The following ERRFI1 variants were observed in gnomAD, a reference collection of about 807,000 sequenced individuals.
ERRFI1 encodes mitogen-inducible gene 6 protein.
A neutral mutation model predicts 14.6 loss-of-function variants in ERRFI1; 12 were observed. The observed-to-expected ratio is 0.82, with a 90% CI of 0.53 to 1.33. The LOEUF (loss-of-function observed/expected upper bound fraction) is 1.33, where lower values mean the gene tolerates loss of function less well. Among genes scored for constraint, ERRFI1 ranks in the 40% most tolerant of loss-of-function variants. The pLI, the probability that ERRFI1 is intolerant of heterozygous loss-of-function variation, is 0.00. For missense variants in ERRFI1, 482 were observed against 572.1 expected (o/e 0.84, Z 1.61); for synonymous variants, 202 against 209.9 (o/e 0.96, Z 0.32).
intron 1 of ERRFI1, among the ~76,000 whole-genome samples, chr1:8,022,026 C>T (rs17031996): frequency 0.053 from 8,016 of 152,226 alleles, 690 homozygotes; most frequent in African/African-American, 0.18. Context: ...CTTGGGTAAC[C>T]TGTAGCCTAT....
chr1:8,013,929 A>G lies in ERRFI1; in HGVS notation c.670T>C (p.Tyr224His). ...ACACCTCCATTTTGGTCAGACACATAGCTGAGATCTGCTGCAGAAACAGCT... is the reference window on the plus strand; with the variant it reads ...ACACCTCCATTTTGGTCAGACACATGGCTGAGATCTGCTGCAGAAACAGCT... ...TPAVSAADLSYVSDQNGGVPD... is the reference protein window; with the variant it reads ...TPAVSAADLSHVSDQNGGVPD... Residue 224 changes from tyrosine (Y) to histidine (H), a missense_variant, in exon 4 of 4, where the codon TAT (tyrosine) becomes CAT (histidine). Physicochemically the swap from Tyr to His is moderately conservative, Grantham distance 83. Transcript: ENST00000377482. This position sits in a 1 kb window ranked among gnomAD's most constrained non-coding sequence, Gnocchi z 4.3. 1 of 1,614,184 alleles carries G rather than the reference A, an allele frequency of 6.2e-7. No homozygotes were observed. The highest frequency in any genetic ancestry group is 8.5e-7 in the Non-Finnish European group (1 of 1,180,032).
intron 1 of ERRFI1, among the ~76,000 whole-genome samples, chr1:8,015,978 T>C (rs1170413778): frequency 6.6e-6 from 1 of 152,158 alleles, no homozygotes; most frequent in African/African-American, 2.4e-5. Context: ...GCCTGAGAGT[T>C]GCACAACAAA....
intron 1 of ERRFI1, among the ~76,000 whole-genome samples, chr1:8,020,074 T>TAAA (rs539364101): frequency 7.7e-6 from 1 of 129,572 alleles, no homozygotes; most frequent in African/African-American, 2.8e-5. Context: ...TGAAACTGCT[T>TAAA]AAAAAAAAAA....
In ERRFI1 at chr1:8,012,749, T is replaced by C. The variant is rs1641104029; in HGVS notation, c.*461A>G. 8.7e-6 allele frequency: 2 copies of C among 230,930 alleles called. No individual in the cohort carries two copies. Among genetic ancestry groups the C allele is most frequent in the Non-Finnish European group, 8.6e-6 (1 of 116,854 alleles). The allele number at this position is 230,930 out of a possible 1,614,324, so 14.3% of individuals were successfully genotyped here. A position where few individuals can be genotyped will look rare whatever the true frequency, so the allele number is the denominator to read the frequency against. ...AATCTTCAAACTTACTAAACAAAAA[T>C]ATTTTTTAATGATTCTGATCTAAAC... On this transcript the variant is annotated 3_prime_UTR_variant, in exon 4 of 4. Transcript: ENST00000377482.
intron 1 of ERRFI1, among the ~76,000 whole-genome samples, chr1:8,025,334 A>AC (rs1491487362): frequency 4.6e-5 from 7 of 152,368 alleles, no homozygotes; most frequent in Admixed American, 4.6e-4. Context: ...ACATATAAAT[A>AC]CACACACAAA....
At chr1:8,018,994 C>A (rs1641238282) in intron 1 of ERRFI1, among the ~76,000 whole-genome samples, 1 of 152,206 alleles carries the variant, frequency 6.6e-6, no homozygotes, top group South Asian at 2.1e-4. Flanking sequence ...CCATTCCCCA[C>A]TCCCCAAACC....
At chr1:8,014,871 C>G (rs1278873507) in intron 3 of ERRFI1, 1 of 204,868 alleles carries the variant, frequency 4.9e-6, no homozygotes, top group African/African-American at 2.3e-5. Flanking sequence ...ACACACAGCT[C>G]TTGACAAAGA....
At chr1:8,023,220 T>C (rs183187023) in intron 1 of ERRFI1, among the ~76,000 whole-genome samples, 11 of 152,330 alleles carry the variant, frequency 7.2e-5, no homozygotes, top group Admixed American at 7.2e-4. Flanking sequence ...AATCCTTACC[T>C]TCCTATTGTT....
intron 1 of ERRFI1, among the ~76,000 whole-genome samples, chr1:8,020,148 C>T (rs1226841043): frequency 1.3e-5 from 2 of 151,740 alleles, no homozygotes; most frequent in Non-Finnish European, 2.9e-5. Context: ...GCCACCAGAT[C>T]TCATTAATAA....
chr1:8,025,672 TCAAA>T (rs1641335766), intron 1 of ERRFI1, among the ~76,000 whole-genome samples: 1 of 151,484 alleles, frequency 6.6e-6, no homozygotes, highest in Non-Finnish European at 1.5e-5. Flanking sequence ...AAAAAAAAAA[TCAAA>T]CAAGCCCCCA....
At chr1:8,023,149 C>T (rs1188483260) in intron 1 of ERRFI1, among the ~76,000 whole-genome samples, 1 of 152,214 alleles carries the variant, frequency 6.6e-6, no homozygotes. Context: ...AAAAAACAAT[C>T]TGTAACTAGT....
At position 8,011,794 on chromosome 1, in the gene ERRFI1, TA is replaced by T; in HGVS notation, c.*1415del. 1 of 206,436 alleles carries T rather than the reference TA, an allele frequency of 4.8e-6. No individual in the cohort carries two copies. Among genetic ancestry groups the T allele is most frequent in the Non-Finnish European group, 9.9e-6 (1 of 100,658 alleles). The allele number at this position is 206,436 out of a possible 1,614,324, so 12.8% of individuals were successfully genotyped here. ...ATTCAAAATAATGCAACAAAATGAA[TA>T]AAATCCTTTGTCCAATACTGTACAC... On this transcript the variant is annotated 3_prime_UTR_variant, in exon 4 of 4. Transcript: ENST00000377482.
In ERRFI1 at chr1:8,026,255, G is replaced by GCCTCTTGCTGGCT. The variant is rs1641348490; in HGVS notation, c.-184_-172dup. 6.6e-6 allele frequency: 1 copy of GCCTCTTGCTGGCT among 152,300 alleles called. No homozygotes were observed. Among genetic ancestry groups the GCCTCTTGCTGGCT allele is most frequent in the Admixed American group, 6.6e-5 (1 of 15,260 alleles). The allele number at this position is 152,300 out of a possible 1,614,324, so 9.4% of individuals were successfully genotyped here. ...TCAGGGGCCCGGACATCGCGCAGGC[G>GCCTCTTGCTGGCT]CCTCTTGCTGGCTCGCGCTCCCGCT... On this transcript the variant is annotated 5_prime_UTR_variant, in exon 1 of 4. Transcript: ENST00000377482.
At position 8,013,229 on chromosome 1, in the gene ERRFI1, GATAA is replaced by G; in HGVS notation, c.1366_1369del (p.Leu456ProfsTer18). On this transcript the variant is annotated frameshift_variant, in exon 4 of 4. Transcript: ENST00000377482. LOFTEE classifies it high-confidence loss of function. This position sits in a 1 kb window ranked among gnomAD's most constrained non-coding sequence, Gnocchi z 4.3. ...CAAGGTCTAAGGAGAAACCACATAGGATAAATGTTTACGCTTCACGTGGCCACCC... is the reference window on the plus strand; with the variant it reads ...CAAGGTCTAAGGAGAAACCACATAGGATGTTTACGCTTCACGTGGCCACCC... The G allele has an allele frequency of 6.2e-7, 1 of 1,612,866 alleles. No homozygotes were observed. The highest frequency in any genetic ancestry group is 8.5e-7 in the Non-Finnish European group (1 of 1,179,588).
At chr1:8,016,248 G>C (rs1641171878) in intron 1 of ERRFI1, among the ~76,000 whole-genome samples, 1 of 152,194 alleles carries the variant, frequency 6.6e-6, no homozygotes, top group Non-Finnish European at 1.5e-5. Flanking sequence ...TTGTATTTCA[G>C]GGTTGGCCAT....
Position 8,015,651 on chromosome 1 carries a change from T to C in ERRFI1, c.-32A>G. On this transcript the variant is annotated 5_prime_UTR_variant, in exon 2 of 4. Transcript: ENST00000377482. The stretch of plus-strand genomic sequence containing the variant: ...TTATTCTGGGACATCTCCAAACCTG[T>C]GAGGCCCAGGCACTTTAAAATCAAC... The C allele has an allele frequency of 1.9e-6, 3 of 1,613,682 alleles. No homozygotes were observed. Among genetic ancestry groups the C allele is most frequent in the Non-Finnish European group, 2.5e-6 (3 of 1,179,708 alleles).
chr1:8,015,910 T>G (rs1490250616), intron 1 of ERRFI1, among the ~76,000 whole-genome samples: 1 of 152,124 alleles, frequency 6.6e-6, no homozygotes, highest in Non-Finnish European at 1.5e-5. Context: ...AGACATGAAA[T>G]GTTTTAGTGA....
chr1:8,020,869 AT>A (rs1161956955), intron 1 of ERRFI1, among the ~76,000 whole-genome samples: 14 of 152,304 alleles, frequency 9.2e-5, no homozygotes, highest in East Asian at 1.9e-4. Flanking sequence ...ATAGCCTATG[AT>A]TTAGGTAGGG....
chr1:8,021,199 A>G (rs1641270153), intron 1 of ERRFI1, among the ~76,000 whole-genome samples: 1 of 152,224 alleles, frequency 6.6e-6, no homozygotes, highest in East Asian at 1.9e-4. Flanking sequence ...AAAATAATTT[A>G]TCTTCAAACT....
Sources: allele counts gnomAD v4.1 joint callset (sites outside exome capture counted in the v4.1 genomes callset), GRCh38; gene constraint gnomAD v4.1.1; non-coding constraint Gnocchi (gnomAD v3.1); transcripts MANE v1.5; gene names NCBI Gene and HGNC (gene_info 2026-07-23, HGNC 2026-07-21).